The following AKAP6 variants were observed in gnomAD, a reference collection of about 807,000 sequenced individuals.
AKAP6 encodes the protein A-kinase anchoring protein 6.
In AKAP6, 58 loss-of-function variants were observed where a neutral mutation model predicts 188.5. The observed-to-expected ratio is 0.31, with a 90% confidence interval of 0.25 to 0.38. The LOEUF is 0.38. AKAP6 is among the 10% of genes least tolerant of loss of function. AKAP6 has a pLI of 1.00. For missense variants in AKAP6, 2,710 were observed against 2,740.0 expected, an observed-to-expected ratio of 0.99 and a Z score of 0.24; for synonymous variants, 989 against 998.6, an observed-to-expected ratio of 0.99 and a Z score of 0.18.
chr14:32,786,620 A>G, intron 12 of AKAP6, among the ~76,000 whole-genome samples: 1 of 152,012 alleles, frequency 6.6e-6, no homozygotes, highest in South Asian at 2.1e-4. Context: ...CACAGCACCC[A>G]GCCTAAACCT....
Position 32,821,470 on chromosome 14 carries a change from G to A in AKAP6, c.3657G>A (p.Trp1219Ter). The change falls in exon 13 of 14, where the codon TGG (tryptophan) becomes TGA (stop). Residue 1219 changes from tryptophan to a stop codon, truncating the protein, a stop_gained. Transcript: ENST00000280979. LOFTEE classifies it high-confidence loss of function. The part of the protein sequence containing the change: ...LNGMSEDALE[W>*]DEMDISNKLI... ...GGATGAGTGAGGATGCCCTGGAATG[G>A]GATGAAATGGACATAAGTAACAAGT... is the stretch of plus-strand genomic sequence containing the variant. 6.2e-7 allele frequency: 1 copy of A among 1,613,634 alleles called. No individual in the cohort carries two copies. Among genetic ancestry groups the A allele is most frequent in the Non-Finnish European group, 8.5e-7 (1 of 1,179,748 alleles).
intron 9 of AKAP6, among the ~76,000 whole-genome samples, chr14:32,709,790 T>G (rs1173271219): frequency 6.6e-6 from 1 of 152,092 alleles, no homozygotes; most frequent in Non-Finnish European, 1.5e-5. Context: ...GAATCCATGC[T>G]CTGTAACTAG....
rs2034848971 is a variant in AKAP6, at chr14:32,834,118, C to G, written c.*4313C>G. The G allele has an allele frequency of 6.6e-6, 1 of 152,226 alleles. No individual in the cohort carries two copies. The allele number at this position is 152,226 out of a possible 1,614,324, so 9.4% of individuals were successfully genotyped here. A position where few individuals can be genotyped will look rare whatever the true frequency, so the allele number is the denominator to read the frequency against. ...CTCAAGAAATGTAACATTGGCTGGT[C>G]ATGGTGGCTCACGCCTGTAATCCCA... On this transcript the variant is annotated 3_prime_UTR_variant, in exon 14 of 14. Coordinates refer to ENST00000280979, the MANE Select transcript of AKAP6 (RefSeq NM_004274.5).
At chr14:32,378,242 T>C (rs768937362) in intron 1 of AKAP6, among the ~76,000 whole-genome samples, 1 of 152,188 alleles carries the variant, frequency 6.6e-6, no homozygotes, top group Non-Finnish European at 1.5e-5. Flanking sequence ...CTGAAATATT[T>C]AGAGCAAGTA....
intron 1 of AKAP6, among the ~76,000 whole-genome samples, chr14:32,330,713 A>ATT (rs35147196): frequency 0.039 from 2,406 of 62,410 alleles, 463 homozygotes; most frequent in Non-Finnish European, 0.052. Context: ...GCTTGGAGTG[A>ATT]TTTTTTTTTT....
chr14:32,572,217 T>C (rs1884522162), intron 4 of AKAP6, among the ~76,000 whole-genome samples: 1 of 152,238 alleles, frequency 6.6e-6, no homozygotes, highest in South Asian at 2.1e-4. Flanking sequence ...TTACCTTCTC[T>C]GATCCTCAGT....
intron 2 of AKAP6, among the ~76,000 whole-genome samples, chr14:32,508,943 G>GC (rs1424213623): frequency 6.7e-6 from 1 of 150,110 alleles, no homozygotes; most frequent in Non-Finnish European, 1.5e-5. Flanking sequence ...TCCTGCCTCA[G>GC]CTTCCCAGGT....
intron 12 of AKAP6, among the ~76,000 whole-genome samples, chr14:32,788,683 C>T (rs1006421446): frequency 5.0e-5 from 6 of 119,182 alleles, no homozygotes; most frequent in Admixed American, 2.5e-4. Context: ...CTTGTGAGCC[C>T]ACTAACTACC....
chr14:32,805,622 A>C (rs2034069169), intron 12 of AKAP6, among the ~76,000 whole-genome samples: 1 of 152,238 alleles, frequency 6.6e-6, no homozygotes, highest in Admixed American at 6.5e-5. Context: ...AGCAGCAGTC[A>C]CATTTAAATT....
At chr14:32,623,162 G>A (rs1335998284) in intron 7 of AKAP6, among the ~76,000 whole-genome samples, 1 of 152,096 alleles carries the variant, frequency 6.6e-6, no homozygotes, top group Non-Finnish European at 1.5e-5. Context: ...TAAACCCTAA[G>A]GTGATGAGAT....
intron 2 of AKAP6, among the ~76,000 whole-genome samples, chr14:32,439,393 A>G (rs181912200): frequency 4.4e-4 from 67 of 152,156 alleles, no homozygotes; most frequent in Admixed American, 4.3e-3. Flanking sequence ...CAGTGTGGGG[A>G]GGAAAGGGGA....
chr14:32,525,870 G>A (rs1882094227), intron 2 of AKAP6, among the ~76,000 whole-genome samples: 1 of 152,102 alleles, frequency 6.6e-6, no homozygotes, highest in Non-Finnish European at 1.5e-5. Flanking sequence ...TAGGGAGATG[G>A]ATGAGTAACA....
intron 12 of AKAP6, among the ~76,000 whole-genome samples, chr14:32,806,687 C>T (rs567426304): frequency 6.6e-6 from 1 of 151,698 alleles, no homozygotes; most frequent in Non-Finnish European, 1.5e-5. Context: ...CCTACACACA[C>T]AAAAAAACTC....
At chr14:32,643,638 T>A (rs747054287) in intron 7 of AKAP6, among the ~76,000 whole-genome samples, 1 of 152,162 alleles carries the variant, frequency 6.6e-6, no homozygotes, top group Non-Finnish European at 1.5e-5. Context: ...TTTCTCCTTT[T>A]CCCTTTTCCT....
intron 2 of AKAP6, chr14:32,438,883 G>A (rs1163286922): frequency 6.6e-6 from 1 of 152,196 alleles, no homozygotes; most frequent in Non-Finnish European, 1.5e-5. Context: ...CTGATTAACA[G>A]TCTTCTCAGG....
intron 7 of AKAP6, among the ~76,000 whole-genome samples, chr14:32,610,475 G>T (rs967786363): frequency 1.3e-5 from 2 of 152,162 alleles, no homozygotes; most frequent in South Asian, 4.1e-4. Context: ...TGATGATGTA[G>T]CTCTGGACAG....
At chr14:32,647,458 CT>C (rs1167202227) in intron 7 of AKAP6, among the ~76,000 whole-genome samples, 1 of 152,082 alleles carries the variant, frequency 6.6e-6, no homozygotes, top group African/African-American at 2.4e-5. Context: ...CTCACTTTCA[CT>C]TTTTGCAGTC....
intron 2 of AKAP6, among the ~76,000 whole-genome samples, chr14:32,489,462 G>C (rs909943897): frequency 1.3e-5 from 2 of 152,138 alleles, no homozygotes; most frequent in Non-Finnish European, 2.9e-5. Flanking sequence ...CTTCCAATCA[G>C]TCTCTCAAAG....
chr14:32,800,185 T>C lies in AKAP6; in HGVS notation c.3589-21217T>C, dbSNP rs28862090. Among the ~76,000 whole-genome samples, 60 of 142,802 alleles carry C rather than the reference T, an allele frequency of 4.2e-4. 3 individuals are homozygous for C. The South Asian group carries it at 0.011, about 27-fold the overall frequency. 93.7% of individuals were successfully genotyped at this position (142,802 alleles called of 152,430 possible). A position where few individuals can be genotyped will look rare whatever the true frequency, so the allele number is the denominator to read the frequency against. ...ATACACATATATATACATATATATA[T>C]ACACATATATATACATATATATACA... On this transcript the variant is annotated intron_variant, in intron 12 of 13. Coordinates refer to ENST00000280979, the MANE Select transcript of AKAP6 (RefSeq NM_004274.5).
Sources: gnomAD v4.1 joint callset for allele counts (sites outside exome capture counted in the v4.1 genomes callset) on GRCh38, gnomAD v4.1.1 for gene constraint, MANE v1.5 for transcripts, NCBI Gene and HGNC (gene_info 2026-07-23, HGNC 2026-07-21) for gene names.